Variants in OR5B3 observed in about 807,000 individuals in gnomAD.
OR5B3 encodes olfactory receptor family 5 subfamily B member 3.
For missense variants in OR5B3, 430 were observed against 375.4 expected, an observed-to-expected ratio of 1.15 and a Z score of -1.20; for synonymous variants, 150 against 135.0, an observed-to-expected ratio of 1.11 and a Z score of -0.77.
intron 1 of OR5B3, among the ~76,000 whole-genome samples, chr11:58,405,862 C>T (rs12277454): frequency 0.32 from 48,842 of 151,796 alleles, 7,938 homozygotes; most frequent in Non-Finnish European, 0.36. Flanking sequence ...CAGTGGTAGA[C>T]TGGATAAAGA....
Position 58,402,599 on chromosome 11 carries a change from T to C in OR5B3, c.811A>G (p.Met271Val). 6.2e-7 allele frequency: 1 copy of C among 1,613,794 alleles called. No homozygotes were observed. Among genetic ancestry groups the C allele is most frequent in the Non-Finnish European group, 8.5e-7 (1 of 1,179,804 alleles). Residue 271 changes from methionine to valine, a missense_variant, in exon 2 of 2, where the codon ATG becomes GTG. Coordinates refer to ENST00000641865, the MANE Select transcript of OR5B3 (RefSeq NM_001005469.2). ...SSSHSMDTDK[M>V]APVFYTMVIP... Reference sequence around the variant, plus strand: ...ACCATTGTATAGAACACAGGTGCCATTTTGTCTGTGTCCATGGAGTGACTG... The same window carrying C: ...ACCATTGTATAGAACACAGGTGCCACTTTGTCTGTGTCCATGGAGTGACTG...
rs1855052402 is a variant in OR5B3, at chr11:58,402,991, G to A, written c.419C>T (p.Ala140Val). 1 of 1,613,938 alleles carries A rather than the reference G, an allele frequency of 6.2e-7. No individual in the cohort carries two copies. The highest frequency in any genetic ancestry group is 8.5e-7 in the Non-Finnish European group (1 of 1,179,980). Residue 140 changes from alanine (A) to valine (V), a missense_variant, in exon 2 of 2, where the codon GCT becomes GTT. By Grantham distance (64) the Ala-to-Val change is moderately conservative. Transcript: ENST00000641865. Reference protein sequence around the residue: ...YTTTMTTTVCARLAIGSYLCG... With the variant: ...YTTTMTTTVCVRLAIGSYLCG... ...GAGGTAGGAGCCTATGGCCAGACGA[G>A]CACACACAGTTGTTGTCATGGTTGT... is the stretch of plus-strand genomic sequence containing the variant.
Position 58,406,189 on chromosome 11 carries a change from G to A in OR5B3, c.-27+612C>T, listed in dbSNP as rs532689859. ...TGCGTGTGTGCGCATGTGTGTGTGT[G>A]AGAGAGAAAGAGAGAGAGAGTTAGA... is the stretch of plus-strand genomic sequence containing the variant. On this transcript the variant is annotated intron_variant, in intron 1 of 1. Coordinates refer to ENST00000641865, the MANE Select transcript of OR5B3 (RefSeq NM_001005469.2). 1.4e-4 allele frequency among the ~76,000 whole-genome samples: 19 copies of A among 134,694 alleles called. No individual in the cohort carries two copies. The East Asian group carries it at 3.8e-3, about 27-fold the overall frequency. 88.4% of individuals were successfully genotyped at this position (134,694 alleles called of 152,430 possible).
At chr11:58,406,514 C>T (rs1427783375) in intron 1 of OR5B3, among the ~76,000 whole-genome samples, 1 of 151,258 alleles carries the variant, frequency 6.6e-6, no homozygotes, top group East Asian at 1.9e-4. Context: ...TTTTACCACT[C>T]ATGAGAAACC....
chr11:58,404,050 T>C (rs1240767662), intron 1 of OR5B3, among the ~76,000 whole-genome samples: 1 of 152,150 alleles, frequency 6.6e-6, no homozygotes, highest in Non-Finnish European at 1.5e-5. Flanking sequence ...TTGTCTCCTT[T>C]GGTACAAACT....
chr11:58,404,766 A>T (rs1855079093), intron 1 of OR5B3, among the ~76,000 whole-genome samples: 1 of 152,132 alleles, frequency 6.6e-6, no homozygotes, highest in Non-Finnish European at 1.5e-5. Flanking sequence ...AAGGGTTAAA[A>T]TTTCCTACTT....
chr11:58,404,567 T>C (rs1590705484), intron 1 of OR5B3, among the ~76,000 whole-genome samples: 1 of 151,884 alleles, frequency 6.6e-6, no homozygotes, highest in East Asian at 1.9e-4. Flanking sequence ...AGATTTTCTG[T>C]GTTCTTCAGT....
At chr11:58,404,063 G>T (rs1054624468) in intron 1 of OR5B3, among the ~76,000 whole-genome samples, 7 of 152,090 alleles carry the variant, frequency 4.6e-5, no homozygotes, top group African/African-American at 1.7e-4. Flanking sequence ...TACAAACTCA[G>T]TGTTTTGAGT....
At chr11:58,406,193 G>C (rs1855097531) in intron 1 of OR5B3, among the ~76,000 whole-genome samples, 1 of 133,786 alleles carries the variant, frequency 7.5e-6, no homozygotes, top group South Asian at 2.4e-4. Context: ...GTGTGTGAGA[G>C]AGAAAGAGAG....
chr11:58,403,497 A>C, intron 1 of OR5B3, 62 bp from the exon 2 acceptor site: 1 of 740,034 alleles, frequency 1.4e-6, no homozygotes, highest in South Asian at 2.0e-5. Context: ...GAAAAGTATA[A>C]GTACAATATG....
At position 58,403,127 on chromosome 11, in the gene OR5B3, A is replaced by G; in HGVS notation, c.283T>C (p.Cys95Arg). Reference sequence around the variant, plus strand: ...ACAAAGATATACATTTGAGCAGCACATGCATTGTAAGAGATGACCTTGTCT... The same window carrying G: ...ACAAAGATATACATTTGAGCAGCACGTGCATTGTAAGAGATGACCTTGTCT... ...IEDKVISYNA[C>R]AAQMYIFVAF... Residue 95 changes from cysteine (C) to arginine (R), a missense_variant, in exon 2 of 2, where the codon TGT becomes CGT. Cys to Arg is a radical substitution (Grantham distance 180, BLOSUM62 -3). Coordinates refer to ENST00000641865, the MANE Select transcript of OR5B3 (RefSeq NM_001005469.2). The G allele has an allele frequency of 4.3e-6, 7 of 1,614,150 alleles. No individual in the cohort carries two copies. Among genetic ancestry groups the G allele is most frequent in the Non-Finnish European group, 5.9e-6 (7 of 1,179,968 alleles).
intron 1 of OR5B3, among the ~76,000 whole-genome samples, chr11:58,404,934 A>G (rs545258142): frequency 4.3e-4 from 65 of 152,260 alleles, no homozygotes; most frequent in Non-Finnish European, 8.2e-4. Flanking sequence ...TACAAGGGTT[A>G]CACGTGCAGA....
chr11:58,404,876 T>C (rs887679186), intron 1 of OR5B3, among the ~76,000 whole-genome samples: 3 of 152,196 alleles, frequency 2.0e-5, no homozygotes, highest in Non-Finnish European at 2.9e-5. Flanking sequence ...AACAATATTT[T>C]AGTATTTATT....
In OR5B3 at chr11:58,402,703, A is replaced by G; in HGVS notation, c.707T>C (p.Leu236Ser). ...AATGAAATGAGAGGCACAGGTGGAC[A>G]AAGGCTTCTGGTATACTGAAGCTGA... The part of the protein sequence containing the change: ...MHSASVYQKP[L>S]STCASHFIAV... The change falls in exon 2 of 2, where the codon TTG becomes TCG. Residue 236 changes from leucine (L) to serine (S), a missense_variant. Coordinates refer to ENST00000641865, the MANE Select transcript of OR5B3 (RefSeq NM_001005469.2). 6.2e-7 allele frequency: 1 copy of G among 1,613,834 alleles called. No individual in the cohort carries two copies. The highest frequency in any genetic ancestry group is 8.5e-7 in the Non-Finnish European group (1 of 1,179,794).
rs1225843777 is a variant in OR5B3, at chr11:58,403,325, AC to A, written c.84del (p.Phe29SerfsTer18). On this transcript the variant is annotated frameshift_variant, in exon 2 of 2. Transcript: ENST00000641865. LOFTEE classifies it low-confidence loss of function (END_TRUNC). ...DSELQVPLFI[T>X]FPFIYIITLV... ...AGAGTGATAATATAGATGAAGGGGA[AC>A]GTTATAAAGAGGGGAACCTGCAGTT... 3 of 1,612,408 alleles carry A rather than the reference AC, an allele frequency of 1.9e-6. No individual in the cohort carries two copies. Among genetic ancestry groups the A allele is most frequent in the Non-Finnish European group, 2.5e-6 (3 of 1,178,670 alleles).
intron 1 of OR5B3, among the ~76,000 whole-genome samples, chr11:58,404,410 T>C (rs1439098129): frequency 9.9e-6 from 1 of 100,594 alleles, no homozygotes; most frequent in Non-Finnish European, 2.3e-5. Flanking sequence ...CTAGTTATAA[T>C]ATTAAATATT....
At position 58,403,125 on chromosome 11, in the gene OR5B3, A is replaced by C; in HGVS notation, c.285T>G (p.Cys95Trp). The C allele has an allele frequency of 1.2e-6, 2 of 1,614,154 alleles. No homozygotes were observed. The highest frequency in any genetic ancestry group is 1.7e-6 in the Non-Finnish European group (2 of 1,179,972). ...IEDKVISYNA[C>W]AAQMYIFVAF... is the part of the protein sequence containing the mutation. ...CTACAAAGATATACATTTGAGCAGC[A>C]CATGCATTGTAAGAGATGACCTTGT... Residue 95 changes from cysteine (C) to tryptophan (W), a missense_variant, in exon 2 of 2, where the codon TGT becomes TGG. Coordinates refer to ENST00000641865, the MANE Select transcript of OR5B3 (RefSeq NM_001005469.2).
rs1469208062 is a variant in OR5B3, at chr11:58,403,387, G to T, written c.23C>A (p.Thr8Lys). Residue 8 changes from threonine (T) to lysine (K), a missense_variant, in exon 2 of 2, where the codon ACA becomes AAA. Transcript: ENST00000641865. MENKTEV[T>K]QFILLGLTND... Reference sequence around the variant, plus strand: ...GGTTAGTCCTAGAAGAATGAATTGTGTTACTTCTGTCTTATTTTCCATCAC... The same window carrying T: ...GGTTAGTCCTAGAAGAATGAATTGTTTTACTTCTGTCTTATTTTCCATCAC... 24 of 1,581,782 alleles carry T rather than the reference G, an allele frequency of 1.5e-5. No individual in the cohort carries two copies. The highest frequency in any genetic ancestry group is 2.1e-5 in the Non-Finnish European group (24 of 1,162,868).
Position 58,402,860 on chromosome 11 carries a change from C to G in OR5B3, c.550G>C (p.Val184Leu), listed in dbSNP as rs367618469. 11 of 1,613,832 alleles carry G rather than the reference C, an allele frequency of 6.8e-6. No homozygotes were observed. The highest frequency in any genetic ancestry group is 9.3e-6 in the Non-Finnish European group (11 of 1,179,902). The change falls in exon 2 of 2, where the codon GTT (valine) becomes CTT (leucine). Residue 184 changes from valine (V) to leucine (L), a missense_variant. Physicochemically the swap from Val to Leu is conservative, Grantham distance 32. Transcript: ENST00000641865. ...HFFCDIPAVMVLSCSDRHISE... is the reference protein window; with the variant it reads ...HFFCDIPAVMLLSCSDRHISE... ...ATATGTCTATCAGAGCAAGAGAGAA[C>G]CATGACTGCTGGAATATCACAGAAA...
Sources: allele counts gnomAD v4.1 joint callset (sites outside exome capture counted in the v4.1 genomes callset), GRCh38; gene constraint gnomAD v4.1.1; transcripts MANE v1.5; gene names NCBI Gene and HGNC (gene_info 2026-07-23, HGNC 2026-07-21).